The following RAB29 variants were observed in gnomAD, a reference collection of about 807,000 sequenced individuals.
RAB29 encodes the protein ras-related protein Rab-29.
In RAB29, 13 loss-of-function variants were observed where a neutral mutation model predicts 25.5. The ratio of observed to expected loss-of-function variants is 0.51; its 90% confidence interval spans 0.33 to 0.81. The LOEUF is 0.81. RAB29 is among the 30% of genes least tolerant of loss of function. The pLI is 0.02. For missense variants in RAB29, 201 were observed against 254.9 expected (o/e 0.79, Z 1.44); for synonymous variants, 88 against 95.0 (o/e 0.93, Z 0.43).
chr1:205,775,140 T>C, intron 1 of RAB29, 54 bp from the exon 2 acceptor site: 2 of 726,808 alleles, frequency 2.8e-6, no homozygotes, highest in Non-Finnish European at 4.1e-6. Context: ...TATACGCGCT[T>C]CCTCCCCGGG....
chr1:205,774,426 G>A (rs1052282120), intron 2 of RAB29, among the ~76,000 whole-genome samples: 4 of 152,312 alleles, frequency 2.6e-5, no homozygotes, highest in Middle Eastern at 3.4e-3. Context: ...TACAGCCCCA[G>A]CCGGCACCTA....
intron 2 of RAB29, 130 bp from the exon 3 acceptor site, chr1:205,772,697 C>A (rs1655089952): frequency 7.3e-6 from 6 of 818,452 alleles, no homozygotes; most frequent in Non-Finnish European, 1.2e-5. Context: ...AACTTTAAGC[C>A]CTCAATTCAC....
chr1:205,771,742 G>T, intron 3 of RAB29, 89 bp from the exon 4 acceptor site: 2 of 1,281,808 alleles, frequency 1.6e-6, no homozygotes, highest in South Asian at 1.2e-5. Context: ...ATATGTGTCA[G>T]ATGGGGCCAC....
chr1:205,775,166 T>A, intron 1 of RAB29, 80 bp from the exon 2 acceptor site: 1 of 576,396 alleles, frequency 1.7e-6, no homozygotes, highest in Non-Finnish European at 2.9e-6. Flanking sequence ...GCAACCTGGG[T>A]GGGGCGCAGG....
chr1:205,771,345 T>G, intron 4 of RAB29, 127 bp downstream of exon 4: 1 of 1,071,210 alleles, frequency 9.3e-7, no homozygotes, highest in Non-Finnish European at 1.4e-6. Flanking sequence ...CAACATCCTT[T>G]GAAGGAGGTA....
At position 205,775,357 on chromosome 1, in the gene RAB29, C is replaced by T. The variant is rs1473529577; in HGVS notation, c.-215G>A. 1.8e-5 allele frequency: 3 copies of T among 169,970 alleles called. No individual in the cohort carries two copies. Among genetic ancestry groups the T allele is most frequent in the African/African-American group, 4.8e-5 (2 of 41,746 alleles). 10.5% of individuals were successfully genotyped at this position (169,970 alleles called of 1,614,324 possible). A position where few individuals can be genotyped will look rare whatever the true frequency, so the allele number is the denominator to read the frequency against. On this transcript the variant is annotated 5_prime_UTR_variant, in exon 1 of 6. Coordinates refer to ENST00000367139, the MANE Select transcript of RAB29 (RefSeq NM_003929.3). The stretch of plus-strand genomic sequence containing the variant: ...ACTGGGGCCAGATGATGGGGACCCT[C>T]CCCTTGCAGCACAAACCAAATTGTG...
In RAB29 at chr1:205,771,027, A is replaced by T. The variant is rs940886176; in HGVS notation, c.379-173T>A. On this transcript the variant is annotated intron_variant, in intron 4 of 5. Transcript: ENST00000367139. Reference sequence around the variant, plus strand: ...GAAAGTCTCACCCTTGGCTGGGCGCAGTGGCTCACGCCTGTAATCCCAGCA... The same window carrying T: ...GAAAGTCTCACCCTTGGCTGGGCGCTGTGGCTCACGCCTGTAATCCCAGCA... The T allele has an allele frequency of 1.7e-5, 15 of 893,804 alleles. No individual in the cohort carries two copies. In the South Asian group the frequency reaches 2.3e-4, roughly 14 times the overall value. 55.4% of individuals were successfully genotyped at this position (893,804 alleles called of 1,614,324 possible). A position where few individuals can be genotyped will look rare whatever the true frequency, so the allele number is the denominator to read the frequency against.
At chr1:205,774,792 T>TCCAACAA in intron 2 of RAB29, 41 bp downstream of exon 2, 3 of 1,287,998 alleles carry the variant, frequency 2.3e-6, no homozygotes, top group Non-Finnish European at 2.2e-6. Context: ...GGTCGGGGCC[T>TCCAACAA]CCTCCTCCCC....
intron 4 of RAB29, 30 bp downstream of exon 4, chr1:205,771,442 A>G (rs1265395466): frequency 1.2e-6 from 2 of 1,608,042 alleles, no homozygotes; most frequent in Non-Finnish European, 1.7e-6. Context: ...GATAGAGGCT[A>G]GGGACCATTT....
At chr1:205,773,202 A>T (rs1655112248) in intron 2 of RAB29, among the ~76,000 whole-genome samples, 1 of 152,264 alleles carries the variant, frequency 6.6e-6, no homozygotes, top group South Asian at 2.1e-4. Context: ...CTGAGTAAGT[A>T]TTCCATGGGG....
intron 5 of RAB29, 21 bp downstream of exon 5, chr1:205,770,712 C>T (rs1344394162): frequency 2.5e-6 from 4 of 1,613,712 alleles, no homozygotes; most frequent in Non-Finnish European, 2.5e-6. Context: ...ATCTGCATGC[C>T]TATCAGCATG....
Position 205,771,487 on chromosome 1 carries a change from C to T in RAB29, c.363G>A (p.Leu121=). The change falls in exon 4 of 6, where the codon CTG becomes CTA. Residue 121 remains leucine, a synonymous_variant. Coordinates refer to ENST00000367139, the MANE Select transcript of RAB29 (RefSeq NM_003929.3). ...GGCCACATACCTTGTTGGCCAAGAG[C>T]AGGCAGGGCACCGGCTCTCCATTGG... ...TLPNGEPVPC[L]LLANKCDLSP... 6.2e-7 allele frequency: 1 copy of T among 1,614,082 alleles called. No homozygotes were observed. The highest frequency in any genetic ancestry group is 8.5e-7 in the Non-Finnish European group (1 of 1,180,016).
chr1:205,775,039 A>G lies in RAB29; in HGVS notation c.-83T>C. 6.5e-7 allele frequency: 1 copy of G among 1,546,448 alleles called. No individual in the cohort carries two copies. Among genetic ancestry groups the G allele is most frequent in the Non-Finnish European group, 8.8e-7 (1 of 1,134,126 alleles). ...CTCGTTTTAACCCCTTTGGATCCGG[A>G]CCCTCTTCAAACTGAAGTGAGGCAT... On this transcript the variant is annotated 5_prime_UTR_variant, in exon 2 of 6. Coordinates refer to ENST00000367139, the MANE Select transcript of RAB29 (RefSeq NM_003929.3).
At chr1:205,770,630 T>C (rs966855751) in intron 5 of RAB29, 103 bp downstream of exon 5, 51 of 1,557,536 alleles carry the variant, frequency 3.3e-5, no homozygotes, top group Admixed American at 1.1e-4. Flanking sequence ...AGCATTCCAA[T>C]GGCTCAGTCT....
rs899835467 is a variant in RAB29 at position 205,768,934 on chromosome 1, T to C, written c.*1408A>G. 9 of 152,188 alleles carry C rather than the reference T, an allele frequency of 5.9e-5. No homozygotes were observed. The highest frequency in any genetic ancestry group is 1.9e-4 in the African/African-American group (8 of 41,450). The allele number at this position is 152,188 out of a possible 1,614,324, so 9.4% of individuals were successfully genotyped here. A position where few individuals can be genotyped will look rare whatever the true frequency, so the allele number is the denominator to read the frequency against. On this transcript the variant is annotated 3_prime_UTR_variant, in exon 6 of 6. Transcript: ENST00000367139. ...GGGAACCACTGACTTAGGACACTTA[T>C]TTAAGGTCTATCACAGAACTTCAGG... is the stretch of plus-strand genomic sequence containing the variant.
chr1:205,770,317 G>A lies in RAB29; in HGVS notation c.*25C>T. On this transcript the variant is annotated 3_prime_UTR_variant, in exon 6 of 6. Coordinates refer to ENST00000367139, the MANE Select transcript of RAB29 (RefSeq NM_003929.3). ...GAGACTTAAAAGACCTCCCAGAACT[G>A]GGATGGAAAATAAGCCAAACACTAC... 6.3e-7 allele frequency: 1 copy of A among 1,586,232 alleles called. No individual in the cohort carries two copies. Among genetic ancestry groups the A allele is most frequent in the Non-Finnish European group, 8.7e-7 (1 of 1,154,712 alleles).
At chr1:205,773,848 ATGTT>A (rs1288554178) in intron 2 of RAB29, among the ~76,000 whole-genome samples, 4 of 152,168 alleles carry the variant, frequency 2.6e-5, no homozygotes, top group African/African-American at 9.7e-5. Flanking sequence ...TGCAATGTAA[ATGTT>A]TGTTAATTTC....
chr1:205,775,027 C>T lies in RAB29; in HGVS notation c.-71G>A, dbSNP rs975122621. On this transcript the variant is annotated 5_prime_UTR_variant, in exon 2 of 6. Coordinates refer to ENST00000367139, the MANE Select transcript of RAB29 (RefSeq NM_003929.3). ...GATCGGGGGTCGCTCGTTTTAACCC[C>T]TTTGGATCCGGACCCTCTTCAAACT... 55 of 1,579,332 alleles carry T rather than the reference C, an allele frequency of 3.5e-5. No individual in the cohort carries two copies. Among genetic ancestry groups the T allele is most frequent in the Non-Finnish European group, 4.4e-5 (51 of 1,158,014 alleles).
chr1:205,770,683 C>A, intron 5 of RAB29, 50 bp downstream of exon 5: 1 of 1,612,416 alleles, frequency 6.2e-7, no homozygotes, highest in Non-Finnish European at 8.5e-7. Flanking sequence ...TCCACAGGGC[C>A]ACAGTGGAAG....
Sources: gnomAD v4.1 joint callset for allele counts (sites outside exome capture counted in the v4.1 genomes callset) on GRCh38, gnomAD v4.1.1 for gene constraint, MANE v1.5 for transcripts, NCBI Gene and HGNC (gene_info 2026-07-23, HGNC 2026-07-21) for gene names.